Variants in AGMO observed in about 807,000 individuals in gnomAD.
AGMO encodes alkylglycerol monooxygenase.
A neutral mutation model predicts 60.2 loss-of-function variants in AGMO; 75 were observed. The ratio of observed to expected loss-of-function variants is 1.25; its 90% CI spans 1.03 to 1.51. The LOEUF (loss-of-function observed/expected upper bound fraction) is 1.51, where lower values mean the gene tolerates loss of function less well. Ranked by LOEUF, AGMO falls within the 40% of genes most tolerant of loss-of-function variation. The pLI is 0.00. For missense variants in AGMO, 763 were observed against 525.5 expected, an observed-to-expected ratio of 1.45 and a Z score of -4.42; for synonymous variants, 261 against 177.1, an observed-to-expected ratio of 1.47 and a Z score of -3.76.
intron 10 of AGMO, among the ~76,000 whole-genome samples, chr7:15,370,476 CCA>C (rs1382358080): frequency 5.3e-5 from 8 of 152,168 alleles, no homozygotes; most frequent in African/African-American, 1.2e-4. Flanking sequence ...AAACTGCTTT[CCA>C]CAGTGGCTGA....
intron 5 of AGMO, among the ~76,000 whole-genome samples, chr7:15,417,398 G>A (rs2128493976): frequency 6.6e-6 from 1 of 152,266 alleles, no homozygotes; most frequent in East Asian, 1.9e-4. Context: ...AGGCACTATT[G>A]TTCTGTATCC....
intron 3 of AGMO, among the ~76,000 whole-genome samples, chr7:15,436,712 T>C (rs551198050): frequency 5.9e-5 from 9 of 152,100 alleles, no homozygotes; most frequent in African/African-American, 2.2e-4. Context: ...TTGTTCTCTT[T>C]CTCAACAGTG....
chr7:15,421,365 A>T (rs144009187), intron 4 of AGMO, among the ~76,000 whole-genome samples: 1,723 of 152,260 alleles, frequency 0.011, 15 homozygotes, highest in Middle Eastern at 0.071. Flanking sequence ...CAGTGGCTAA[A>T]CCAGAGAAGG....
chr7:15,535,649 T>C (rs1426494172), intron 3 of AGMO, among the ~76,000 whole-genome samples: 5 of 151,932 alleles, frequency 3.3e-5, no homozygotes, highest in Non-Finnish European at 5.9e-5. Context: ...TAAAAAAATA[T>C]CTTAATTTTT....
the AGMO span, among the ~76,000 whole-genome samples, chr7:15,157,192 T>C: frequency 6.6e-6 from 1 of 152,206 alleles, no homozygotes; most frequent in African/African-American, 2.4e-5. Flanking sequence ...TCAGGTTCAG[T>C]TCTCACAGCA....
intron 3 of AGMO, among the ~76,000 whole-genome samples, chr7:15,454,153 A>G (rs1454521768): frequency 6.6e-6 from 1 of 151,818 alleles, no homozygotes; most frequent in Admixed American, 6.6e-5. Context: ...AAAAGTAAAT[A>G]TATGCTCATT....
At chr7:15,489,401 G>A (rs1008673372) in intron 3 of AGMO, among the ~76,000 whole-genome samples, 3 of 152,106 alleles carry the variant, frequency 2.0e-5, no homozygotes, top group Non-Finnish European at 4.4e-5. Context: ...GCTGTGCAGT[G>A]CAGTCTTGGC....
the AGMO span, among the ~76,000 whole-genome samples, chr7:15,187,645 A>G: frequency 6.6e-6 from 1 of 151,968 alleles, no homozygotes; most frequent in Non-Finnish European, 1.5e-5. Context: ...TGCAATTAAT[A>G]TGTGTATGTG....
intron 12 of AGMO, among the ~76,000 whole-genome samples, chr7:15,362,645 T>G (rs546820460): frequency 1.0e-3 from 152 of 152,330 alleles, no homozygotes; most frequent in Non-Finnish European, 1.8e-3. Flanking sequence ...TGTGCCCAGA[T>G]GGACAGAAGC....
intron 10 of AGMO, among the ~76,000 whole-genome samples, chr7:15,383,842 T>G (rs1400951721): frequency 6.6e-6 from 1 of 152,206 alleles, no homozygotes; most frequent in African/African-American, 2.4e-5. Flanking sequence ...TTCAGAGTTC[T>G]TCATATCTGA....
chr7:15,520,679 C>A (rs181671914), intron 3 of AGMO, among the ~76,000 whole-genome samples: 2 of 152,244 alleles, frequency 1.3e-5, no homozygotes, highest in East Asian at 3.9e-4. Flanking sequence ...TACCAGAATT[C>A]TCTGGGACAC....
intron 3 of AGMO, among the ~76,000 whole-genome samples, chr7:15,520,003 C>T (rs1242645905): frequency 7.4e-6 from 1 of 134,252 alleles, no homozygotes; most frequent in Non-Finnish European, 1.6e-5. Context: ...AAAAAAGAAC[C>T]AAAAAAAAAA....
intron 3 of AGMO, among the ~76,000 whole-genome samples, chr7:15,542,583 G>T (rs2196395): frequency 1.3e-5 from 2 of 151,954 alleles, no homozygotes; most frequent in African/African-American, 4.8e-5. Flanking sequence ...GCATGAGGAA[G>T]GTTCTTGAAA....
At chr7:15,535,777 C>G (rs1784471206) in intron 3 of AGMO, among the ~76,000 whole-genome samples, 1 of 151,864 alleles carries the variant, frequency 6.6e-6, no homozygotes, top group African/African-American at 2.4e-5. Context: ...CATATTTATC[C>G]TTTAGGCTAC....
the AGMO span, among the ~76,000 whole-genome samples, chr7:15,137,927 T>C: frequency 6.6e-6 from 1 of 152,248 alleles, no homozygotes; most frequent in Middle Eastern, 3.4e-3. Flanking sequence ...CCTTGCTTTA[T>C]TGTTTGCTGA....
At chr7:15,334,197 T>C (rs866581372) in intron 12 of AGMO, among the ~76,000 whole-genome samples, 1 of 151,930 alleles carries the variant, frequency 6.6e-6, no homozygotes, top group Admixed American at 6.6e-5. Flanking sequence ...CAAAGCAAAT[T>C]TGAAATGCTA....
chr7:15,474,624 G>A (rs1241057386), intron 3 of AGMO, among the ~76,000 whole-genome samples: 1 of 152,022 alleles, frequency 6.6e-6, no homozygotes, highest in East Asian at 1.9e-4. Context: ...CACCATCAAG[G>A]ACATAGTCAT....
At chr7:15,340,489 C>T (rs1235164762) in intron 12 of AGMO, among the ~76,000 whole-genome samples, 1 of 152,124 alleles carries the variant, frequency 6.6e-6, no homozygotes, top group Non-Finnish European at 1.5e-5. Context: ...TCGGGGGGAA[C>T]AATGGTTTCC....
At chr7:15,317,378 T>C (rs997851691) in intron 12 of AGMO, among the ~76,000 whole-genome samples, 7 of 152,188 alleles carry the variant, frequency 4.6e-5, no homozygotes, top group African/African-American at 1.4e-4. Context: ...ACCAGATGCC[T>C]ATATTTAGTG....
Sources: allele counts gnomAD v4.1 joint callset (sites outside exome capture counted in the v4.1 genomes callset), GRCh38; gene constraint gnomAD v4.1.1; transcripts MANE v1.5; gene names NCBI Gene and HGNC (gene_info 2026-07-23, HGNC 2026-07-21).